The following ADGRV1 variants were observed in gnomAD, a reference collection of about 807,000 sequenced individuals.
ADGRV1 encodes G-protein coupled receptor 98.
A neutral mutation model predicts 596.2 loss-of-function variants in ADGRV1; 359 were observed. That is an observed-to-expected ratio of 0.60 (90% CI 0.55 to 0.66). The LOEUF (loss-of-function observed/expected upper bound fraction) is 0.66. Among genes scored for constraint, ADGRV1 ranks in the 30% least tolerant of loss-of-function variants. The pLI, the probability that ADGRV1 is intolerant of heterozygous loss-of-function variation, is 0.00. For synonymous variants in ADGRV1, 2,681 were observed against 2,679.2 expected, an observed-to-expected ratio of 1.00 and a Z score of -0.02; for missense variants, 7,274 against 7,575.6, an observed-to-expected ratio of 0.96 and a Z score of 1.48.
At chr5:90,763,080 A>G (rs528294625) in intron 58 of ADGRV1, 2 of 436,472 alleles carry the variant, frequency 4.6e-6, no homozygotes, top group Non-Finnish European at 8.2e-6. Context: ...ATTCAGTCAC[A>G]TGCTCTACCT....
chr5:90,655,362 C>T (rs1211344189), intron 20 of ADGRV1: 2 of 152,126 alleles, frequency 1.3e-5, no homozygotes, highest in African/African-American at 2.4e-5. Flanking sequence ...ATATTTTTGC[C>T]TGCTGTAGAT....
At chr5:90,886,909 C>T (rs1387211539) in intron 83 of ADGRV1, among the ~76,000 whole-genome samples, 6 of 152,008 alleles carry the variant, frequency 3.9e-5, no homozygotes, top group African/African-American at 7.2e-5. Context: ...TCCTTTTTTC[C>T]GAATCCATCT....
rs759153780 is a variant in ADGRV1, at chr5:90,692,699, A to T, written c.7046A>T (p.Tyr2349Phe). 9 of 1,610,890 alleles carry T rather than the reference A, an allele frequency of 5.6e-6. No individual in the cohort carries two copies. The highest frequency in any genetic ancestry group is 1.7e-5 in the Admixed American group (1 of 59,574). ...NIIIPANDDP[Y>F]GTVAFAQMVY... ...ATTATTCCTGCCAATGATGATCCTT[A>T]TGGTACAGTAGCCTTTGCTCAGATG... Residue 2349 changes from tyrosine to phenylalanine, a missense_variant, in exon 32 of 90, where the codon TAT (tyrosine) becomes TTT (phenylalanine). Physicochemically the swap from Tyr to Phe is conservative, Grantham distance 22. Transcript: ENST00000405460.
At chr5:91,114,870 T>A (rs2126714331) in intron 87 of ADGRV1, among the ~76,000 whole-genome samples, 1 of 152,296 alleles carries the variant, frequency 6.6e-6, no homozygotes, top group African/African-American at 2.4e-5. Context: ...TTCTTTGGAA[T>A]CGTGGCCCCT....
At chr5:91,123,453 A>G (rs192676452) in intron 87 of ADGRV1, among the ~76,000 whole-genome samples, 1 of 152,188 alleles carries the variant, frequency 6.6e-6, no homozygotes, top group East Asian at 1.9e-4. Flanking sequence ...GAGCAAAGGG[A>G]AAAGGGGGCT....
At chr5:90,925,944 G>T (rs1774394164) in intron 83 of ADGRV1, among the ~76,000 whole-genome samples, 1 of 131,596 alleles carries the variant, frequency 7.6e-6, no homozygotes, top group Non-Finnish European at 1.6e-5. Context: ...TTATTGATTT[G>T]CGTATATTGA....
chr5:90,875,985 T>G (rs1252996373), intron 83 of ADGRV1, among the ~76,000 whole-genome samples: 1 of 152,190 alleles, frequency 6.6e-6, no homozygotes, highest in Non-Finnish European at 1.5e-5. Context: ...ATTGTTAGTA[T>G]GTTGAAATTG....
chr5:90,759,686 C>A, intron 58 of ADGRV1, 98 bp downstream of exon 58: 1 of 1,087,122 alleles, frequency 9.2e-7, no homozygotes, highest in Non-Finnish European at 1.4e-6. Context: ...GAAGTCTTGG[C>A]CAGGCATGGT....
At chr5:90,562,275 G>C (rs1048603288) in intron 1 of ADGRV1, among the ~76,000 whole-genome samples, 1 of 152,192 alleles carries the variant, frequency 6.6e-6, no homozygotes, top group Non-Finnish European at 1.5e-5. Flanking sequence ...GAGTAGTACA[G>C]AAAGTTGATT....
chr5:91,112,015 G>A (rs1329045348), intron 87 of ADGRV1, among the ~76,000 whole-genome samples: 1 of 152,196 alleles, frequency 6.6e-6, no homozygotes, highest in Non-Finnish European at 1.5e-5. Context: ...CTGGGCTGGT[G>A]AAACACCTCT....
intron 50 of ADGRV1, among the ~76,000 whole-genome samples, chr5:90,743,247 A>G (rs1754188008): frequency 6.6e-6 from 1 of 152,154 alleles, no homozygotes; most frequent in African/African-American, 2.4e-5. Flanking sequence ...ATGCAAATTT[A>G]TTGATAGCCT....
At chr5:90,621,358 T>G (rs1423493751) in intron 4 of ADGRV1, among the ~76,000 whole-genome samples, 1 of 152,220 alleles carries the variant, frequency 6.6e-6, no homozygotes, top group African/African-American at 2.4e-5. Context: ...TGCAGTATCT[T>G]TGTTAAAAAG....
intron 81 of ADGRV1, 148 bp from the exon 82 acceptor site, chr5:90,855,593 C>G: frequency 1.7e-6 from 1 of 577,870 alleles, no homozygotes. Flanking sequence ...ACAAGATGTT[C>G]CCTTCACTGT....
intron 85 of ADGRV1, among the ~76,000 whole-genome samples, chr5:91,050,874 A>T (rs1279211106): frequency 2.0e-5 from 3 of 152,136 alleles, no homozygotes; most frequent in East Asian, 3.8e-4. Flanking sequence ...ATAAAATTAA[A>T]TATTTCAAAA....
At chr5:90,995,053 A>G (rs774015808) in intron 85 of ADGRV1, among the ~76,000 whole-genome samples, 5 of 152,228 alleles carry the variant, frequency 3.3e-5, no homozygotes, top group African/African-American at 7.2e-5. Context: ...AAGCATGCAC[A>G]TGGCATTTTA....
intron 21 of ADGRV1, among the ~76,000 whole-genome samples, chr5:90,669,187 AT>A (rs1363668258): frequency 6.6e-6 from 1 of 152,218 alleles, no homozygotes; most frequent in Non-Finnish European, 1.5e-5. Context: ...TCCACCACAC[AT>A]TTGCTCATGT....
intron 82 of ADGRV1, among the ~76,000 whole-genome samples, chr5:90,861,570 A>C (rs566535028): frequency 6.6e-6 from 1 of 151,656 alleles, no homozygotes; most frequent in South Asian, 2.1e-4. Context: ...TGGCCTCCCA[A>C]AGTGCTGGGA....
At chr5:90,939,515 G>T (rs754317817) in intron 83 of ADGRV1, among the ~76,000 whole-genome samples, 3 of 152,128 alleles carry the variant, frequency 2.0e-5, no homozygotes, top group Non-Finnish European at 2.9e-5. Context: ...AATTTCTTCT[G>T]CTTTGTGAAG....
At chr5:91,028,029 T>TTTTC (rs146284585) in intron 85 of ADGRV1, among the ~76,000 whole-genome samples, 1 of 149,296 alleles carries the variant, frequency 6.7e-6, no homozygotes, top group Non-Finnish European at 1.5e-5. Context: ...CCAGCTTTTT[T>TTTTC]TTTCTTTCTT....
Sources: allele counts gnomAD v4.1 joint callset (sites outside exome capture counted in the v4.1 genomes callset), GRCh38; gene constraint gnomAD v4.1.1; transcripts MANE v1.5; gene names NCBI Gene and HGNC (gene_info 2026-07-23, HGNC 2026-07-21).